KCNH5: variants seen among roughly 807,000 people sequenced by gnomAD.
The protein encoded by KCNH5 is potassium voltage-gated channel subfamily H member 5, also known as voltage-gated delayed rectifier potassium channel KCNH5.
A neutral mutation model predicts 96.1 loss-of-function variants in KCNH5; 46 were observed. That is an observed-to-expected ratio of 0.48 (90% CI 0.38 to 0.61). The LOEUF (loss-of-function observed/expected upper bound fraction) is 0.61. Ranked by LOEUF, KCNH5 falls within the 20% of genes least tolerant of loss-of-function variation. KCNH5 has a pLI of 0.00. For missense variants in KCNH5, 907 were observed against 1,225.8 expected, an observed-to-expected ratio of 0.74 and a Z score of 3.88; for synonymous variants, 439 against 449.8, an observed-to-expected ratio of 0.98 and a Z score of 0.30.
chr14:62,713,836 T>C (rs1427835607), intron 10 of KCNH5, among the ~76,000 whole-genome samples: 2 of 152,242 alleles, frequency 1.3e-5, no homozygotes, highest in Non-Finnish European at 2.9e-5. Flanking sequence ...TCTCTACAAG[T>C]CCTTACAGTT....
At chr14:62,729,482 T>C (rs2139922521) in intron 10 of KCNH5, among the ~76,000 whole-genome samples, 1 of 152,328 alleles carries the variant, frequency 6.6e-6, no homozygotes, top group East Asian at 1.9e-4. Flanking sequence ...AATTTTAACA[T>C]GTCTCAAAAC....
intron 7 of KCNH5, among the ~76,000 whole-genome samples, chr14:62,932,632 T>C (rs1200020125): frequency 2.0e-5 from 3 of 152,088 alleles, no homozygotes. Flanking sequence ...TCCAAATGAT[T>C]ACACATACCC....
chr14:62,843,026 CTG>C (rs1320876119), intron 8 of KCNH5, among the ~76,000 whole-genome samples: 1 of 152,160 alleles, frequency 6.6e-6, no homozygotes, highest in Admixed American at 6.5e-5. Flanking sequence ...TACTGGCAGA[CTG>C]TGAATTTCCT....
intron 8 of KCNH5, among the ~76,000 whole-genome samples, chr14:62,846,348 C>G (rs1396727688): frequency 6.6e-6 from 1 of 152,046 alleles, no homozygotes; most frequent in Non-Finnish European, 1.5e-5. Flanking sequence ...GTTGCAAATG[C>G]TTTATGTCAT....
intron 1 of KCNH5, among the ~76,000 whole-genome samples, chr14:63,023,366 C>A (rs558834160): frequency 3.7e-4 from 57 of 152,074 alleles, no homozygotes; most frequent in African/African-American, 1.4e-3. Flanking sequence ...ATGAATAAGC[C>A]AATGAACTAA....
intron 5 of KCNH5, among the ~76,000 whole-genome samples, chr14:62,982,975 C>G (rs1007924446): frequency 6.6e-6 from 1 of 152,078 alleles, no homozygotes; most frequent in African/African-American, 2.4e-5. Flanking sequence ...CATGTCTTTT[C>G]TTTTGCTTTT....
chr14:62,833,456 T>C (rs1443893187), intron 8 of KCNH5, among the ~76,000 whole-genome samples: 1 of 152,082 alleles, frequency 6.6e-6, no homozygotes, highest in African/African-American at 2.4e-5. Context: ...CGTATGTGCA[T>C]GGGTTTATTT....
chr14:62,746,697 TA>T (rs750871539), intron 10 of KCNH5, among the ~76,000 whole-genome samples: 2 of 152,228 alleles, frequency 1.3e-5, no homozygotes, highest in Non-Finnish European at 1.5e-5. Context: ...TATTTTTCAT[TA>T]AAAATGAATT....
intron 10 of KCNH5, among the ~76,000 whole-genome samples, chr14:62,770,029 C>G (rs1885951328): frequency 6.6e-6 from 1 of 152,062 alleles, no homozygotes; most frequent in Non-Finnish European, 1.5e-5. Context: ...TCCACAGCAT[C>G]AAGAATTGAT....
At chr14:62,832,558 T>TA (rs1183599805) in intron 8 of KCNH5, among the ~76,000 whole-genome samples, 1 of 152,222 alleles carries the variant, frequency 6.6e-6, no homozygotes, top group Non-Finnish European at 1.5e-5. Context: ...TGAATAATAC[T>TA]AAAATGATCA....
At chr14:63,009,033 TAAAA>T (rs1566539403) in intron 2 of KCNH5, among the ~76,000 whole-genome samples, 1 of 152,070 alleles carries the variant, frequency 6.6e-6, no homozygotes, top group South Asian at 2.1e-4. Context: ...TTTGTAGTCT[TAAAA>T]GAAAGAAAGA....
intron 7 of KCNH5, among the ~76,000 whole-genome samples, chr14:62,939,927 C>G (rs941513828): frequency 4.0e-5 from 6 of 151,394 alleles, no homozygotes; most frequent in African/African-American, 1.2e-4. Flanking sequence ...GTGGCAAGAG[C>G]AAAAATCTGC....
intron 2 of KCNH5, among the ~76,000 whole-genome samples, chr14:63,015,792 T>G (rs1330032627): frequency 6.6e-6 from 1 of 151,964 alleles, no homozygotes; most frequent in South Asian, 2.1e-4. Context: ...GAATATCATA[T>G]TTTTGATCTG....
At position 62,706,550 on chromosome 14, in the gene KCNH5, G is replaced by A. The variant is rs1472905189; in HGVS notation, c.*958C>T. 1 of 151,678 alleles carries A rather than the reference G, an allele frequency of 6.6e-6. No individual in the cohort carries two copies. The highest frequency in any genetic ancestry group is 1.9e-4 in the East Asian group (1 of 5,182). The allele number at this position is 151,678 out of a possible 1,614,324, so 9.4% of individuals were successfully genotyped here. Reference sequence around the variant, plus strand: ...TTTATACCATAATAGTTAGCATTTTGATATGATTACTTAAATGCTTTATTT... The same window carrying A: ...TTTATACCATAATAGTTAGCATTTTAATATGATTACTTAAATGCTTTATTT... On this transcript the variant is annotated 3_prime_UTR_variant, in exon 11 of 11. Coordinates refer to ENST00000322893, the MANE Select transcript of KCNH5 (RefSeq NM_139318.5).
intron 7 of KCNH5, among the ~76,000 whole-genome samples, chr14:62,907,375 G>C (rs1454382077): frequency 6.6e-6 from 1 of 152,220 alleles, no homozygotes; most frequent in Non-Finnish European, 1.5e-5. Context: ...CACTCTATCA[G>C]AGAAGAAATG....
At chr14:62,782,497 C>A (rs947866764) in intron 9 of KCNH5, among the ~76,000 whole-genome samples, 3 of 152,050 alleles carry the variant, frequency 2.0e-5, no homozygotes, top group Non-Finnish European at 4.4e-5. Flanking sequence ...ATTTATTTGG[C>A]CAAGGAAGGG....
intron 7 of KCNH5, among the ~76,000 whole-genome samples, chr14:62,925,269 T>C (rs941735100): frequency 1.3e-5 from 2 of 151,992 alleles, no homozygotes; most frequent in African/African-American, 4.8e-5. Flanking sequence ...CTAGCCCACT[T>C]CAACACTAAT....
chr14:62,785,291 C>A (rs1362899449), intron 9 of KCNH5, among the ~76,000 whole-genome samples: 1 of 152,132 alleles, frequency 6.6e-6, no homozygotes, highest in Non-Finnish European at 1.5e-5. Context: ...GTAAGTCATC[C>A]CAGAAATCAT....
chr14:62,829,899 A>G (rs1476995116), intron 8 of KCNH5, among the ~76,000 whole-genome samples: 3 of 152,188 alleles, frequency 2.0e-5, no homozygotes, highest in Non-Finnish European at 4.4e-5. Flanking sequence ...CTTCACTTTT[A>G]AACATAAGTT....
Sources: gnomAD v4.1 joint callset for allele counts (sites outside exome capture counted in the v4.1 genomes callset) on GRCh38, gnomAD v4.1.1 for gene constraint, MANE v1.5 for transcripts, NCBI Gene and HGNC (gene_info 2026-07-23, HGNC 2026-07-21) for gene names.